The following PTPRM variants were observed in gnomAD, a reference collection of about 807,000 sequenced individuals.
PTPRM encodes the protein receptor-type tyrosine-protein phosphatase mu.
A neutral mutation model predicts 186.7 loss-of-function variants in PTPRM; 47 were observed. That is an observed-to-expected ratio of 0.25 (90% CI 0.20 to 0.32). The LOEUF is 0.32. Ranked by LOEUF, PTPRM falls within the 10% of genes least tolerant of loss-of-function variation. The probability of loss-of-function intolerance (pLI) is 1.00; values close to 1 mark genes in which losing one functional copy is unlikely to be tolerated. For synonymous variants in PTPRM, 668 were observed against 674.9 expected (o/e 0.99, Z 0.16); for missense variants, 1,494 against 1,865.0 (o/e 0.80, Z 3.66).
At chr18:7,575,562 C>CT (rs1567962701) in intron 1 of PTPRM, among the ~76,000 whole-genome samples, 1 of 152,230 alleles carries the variant, frequency 6.6e-6, no homozygotes, top group East Asian at 1.9e-4. Context: ...TCAATTTTTT[C>CT]TTTTTTCTGC....
chr18:8,395,810 G>C (rs1404368501), intron 32 of PTPRM, among the ~76,000 whole-genome samples: 1 of 152,162 alleles, frequency 6.6e-6, no homozygotes, highest in Non-Finnish European at 1.5e-5. Context: ...ACTAATTCTA[G>C]TTAGGTGACC....
rs751784715 is a variant in PTPRM at position 8,387,220 on chromosome 18, C to T, written c.4193C>T (p.Thr1398Met). 3 of 1,613,910 alleles carry T rather than the reference C, an allele frequency of 1.9e-6. No homozygotes were observed. Among genetic ancestry groups the T allele is most frequent in the Non-Finnish European group, 2.5e-6 (3 of 1,179,892 alleles). Residue 1398 changes from threonine to methionine, a missense_variant, in exon 31 of 33, where the codon ACG becomes ATG. Around this residue, in one of 3 missense-constraint regions of PTPRM, gnomAD observed 1,107 missense variants for 1,350.2 expected, o/e 0.82. Coordinates refer to ENST00000580170, the MANE Select transcript of PTPRM (RefSeq NM_001105244.2). ...GAGTACAATGGCGGGGAAGGCCGCA[C>T]GGTTGTGCACTGCTTGTAAGTGCTT... ...QEEYNGGEGR[T>M]VVHCLNGGGR...
At chr18:8,161,001 G>T (rs562191202) in intron 14 of PTPRM, among the ~76,000 whole-genome samples, 36 of 152,306 alleles carry the variant, frequency 2.4e-4, no homozygotes, top group African/African-American at 8.4e-4. Context: ...TGGGTTTGGA[G>T]TCAGTGGTCA....
chr18:7,734,757 C>T (rs185226049), intron 1 of PTPRM, among the ~76,000 whole-genome samples: 39 of 152,226 alleles, frequency 2.6e-4, no homozygotes, highest in Non-Finnish European at 5.4e-4. Context: ...ATGGTAGCCT[C>T]GTTGGCATAA....
rs34470950 is a variant in PTPRM, at chr18:8,056,751, C to CAAAA, written c.1133-12924_1133-12921dup. Among the ~76,000 whole-genome samples, 364 of 143,892 alleles carry CAAAA rather than the reference C, an allele frequency of 2.5e-3. 2 individuals carry two copies. Among genetic ancestry groups the CAAAA allele is most frequent in the Middle Eastern group, 0.018 (5 of 274 alleles). The allele number at this position is 143,892 out of a possible 152,430, so 94.4% of individuals were successfully genotyped here. ...AGCCTTGAAATGCAGCCTTTTTTAG[C>CAAAA]AAAAAAAAAAAAAATGGAACATCTG... On this transcript the variant is annotated intron_variant, in intron 7 of 32. Coordinates refer to ENST00000580170, the MANE Select transcript of PTPRM (RefSeq NM_001105244.2).
At chr18:8,288,672 GAT>G (rs2094986215) in intron 19 of PTPRM, among the ~76,000 whole-genome samples, 1 of 152,150 alleles carries the variant, frequency 6.6e-6, no homozygotes, top group African/African-American at 2.4e-5. Context: ...TCACTTGAAG[GAT>G]ATGTTTTTTT....
chr18:8,067,306 T>C (rs1010536421), intron 7 of PTPRM, among the ~76,000 whole-genome samples: 2 of 152,218 alleles, frequency 1.3e-5, no homozygotes, highest in African/African-American at 4.8e-5. Flanking sequence ...TGAAGCATTA[T>C]ATAAAATTAG....
intron 11 of PTPRM, among the ~76,000 whole-genome samples, chr18:8,091,514 C>G (rs1027205624): frequency 1.3e-5 from 2 of 151,822 alleles, no homozygotes; most frequent in Admixed American, 6.6e-5. Flanking sequence ...GGAAGGATGC[C>G]TATCTTAAAT....
At chr18:8,069,543 G>A (rs2089326973) in intron 7 of PTPRM, 143 bp from the exon 8 acceptor site, 10 of 761,060 alleles carry the variant, frequency 1.3e-5, no homozygotes, top group Non-Finnish European at 1.9e-5. Context: ...CAAATGCCTA[G>A]CCAAGATTTA....
chr18:8,371,428 A>G (rs1454407026), intron 24 of PTPRM, among the ~76,000 whole-genome samples: 2 of 152,100 alleles, frequency 1.3e-5, no homozygotes, highest in East Asian at 3.9e-4. Context: ...CACAGGTCCT[A>G]ACTCCTCCTG....
rs2091892502 is a variant in PTPRM at position 8,114,771 on chromosome 18, CCT to C, written c.2131-15_2131-14del. ...AAGAAAACATGAATAATGATTTTTC[CCT>C]CTCTTTATTTGACACAGGAAACCAA... On this transcript the variant is annotated intron_variant, in intron 12 of 32. Coordinates refer to ENST00000580170, the MANE Select transcript of PTPRM (RefSeq NM_001105244.2). 7 of 1,587,072 alleles carry C rather than the reference CCT, an allele frequency of 4.4e-6. No individual in the cohort carries two copies. The highest frequency in any genetic ancestry group is 5.2e-6 in the Non-Finnish European group (6 of 1,162,816).
intron 20 of PTPRM, among the ~76,000 whole-genome samples, chr18:8,313,954 C>G (rs949652490): frequency 6.6e-6 from 1 of 152,040 alleles, no homozygotes; most frequent in Non-Finnish European, 1.5e-5. Context: ...AATTTGAAAC[C>G]AGCGTGGGCA....
At chr18:8,351,959 C>T (rs1231068534) in intron 23 of PTPRM, among the ~76,000 whole-genome samples, 1 of 152,116 alleles carries the variant, frequency 6.6e-6, no homozygotes, top group Non-Finnish European at 1.5e-5. Flanking sequence ...CCTCAGTTCC[C>T]CTCTGTAAAA....
intron 14 of PTPRM, among the ~76,000 whole-genome samples, chr18:8,171,579 T>C (rs7244866): frequency 0.011 from 1,710 of 152,260 alleles, 29 homozygotes; most frequent in African/African-American, 0.039. Context: ...AATGTGTTTG[T>C]TTCTATGTCC....
At chr18:8,212,242 TGA>T (rs1478267422) in intron 14 of PTPRM, among the ~76,000 whole-genome samples, 11 of 152,210 alleles carry the variant, frequency 7.2e-5, no homozygotes, top group Non-Finnish European at 1.3e-4. Context: ...GACAGACAGA[TGA>T]GCAGGTGAGG....
chr18:7,715,854 A>G (rs1362989976), intron 1 of PTPRM, among the ~76,000 whole-genome samples: 1 of 152,214 alleles, frequency 6.6e-6, no homozygotes, highest in African/African-American at 2.4e-5. Context: ...CAAGGAAATG[A>G]GAGAGAAGAC....
At chr18:7,920,137 A>C (rs950306816) in intron 4 of PTPRM, among the ~76,000 whole-genome samples, 2 of 152,060 alleles carry the variant, frequency 1.3e-5, no homozygotes, top group South Asian at 4.2e-4. Context: ...TTGGTTTTTT[A>C]TATGTTCAGC....
At chr18:7,827,798 G>A (rs1235620114) in intron 2 of PTPRM, among the ~76,000 whole-genome samples, 1 of 152,198 alleles carries the variant, frequency 6.6e-6, no homozygotes, top group East Asian at 1.9e-4. Context: ...TATCCATAGT[G>A]GACATGTGGT....
chr18:7,884,130 G>A (rs2146309077), intron 2 of PTPRM, among the ~76,000 whole-genome samples: 1 of 152,198 alleles, frequency 6.6e-6, no homozygotes, highest in Non-Finnish European at 1.5e-5. Flanking sequence ...CTGGGGGACA[G>A]AGTGAGACCC....
Sources: gnomAD v4.1 joint callset for allele counts (sites outside exome capture counted in the v4.1 genomes callset) on GRCh38, gnomAD v4.1.1 for gene constraint, gnomAD v4.1.1 regional missense constraint, MANE v1.5 for transcripts, NCBI Gene and HGNC (gene_info 2026-07-23, HGNC 2026-07-21) for gene names.